FHOD3: variants seen among roughly 807,000 people sequenced by gnomAD.
FHOD3 encodes FH1/FH2 domain-containing protein 3.
Under a neutral mutation model 173.0 loss-of-function variants are expected in FHOD3, and 90 were observed. That is an observed-to-expected ratio of 0.52 (90% CI 0.44 to 0.62). FHOD3 has a LOEUF of 0.62. Among genes scored for constraint, FHOD3 ranks in the 20% least tolerant of loss-of-function variants. The pLI is 0.00. For synonymous variants in FHOD3, 828 were observed against 823.0 expected (o/e 1.01, Z -0.10); for missense variants, 1,945 against 2,034.7 (o/e 0.96, Z 0.85).
In FHOD3 at chr18:36,355,706, G is replaced by A. The variant is rs977948186; in HGVS notation, c.272+61G>A. The A allele has an allele frequency of 5.1e-6, 7 of 1,378,786 alleles. No homozygotes were observed. The African/African-American group carries it at 7.1e-5, about 14-fold the overall frequency. The allele number at this position is 1,378,786 out of a possible 1,614,324, so 85.4% of individuals were successfully genotyped here. ...ACCTACCAGGAAATGGGGGTACATT[G>A]AGGCCTTAAAGTATTTAGGAGGAAC... On this transcript the variant is annotated intron_variant, in intron 2 of 28. Transcript: ENST00000590592.
chr18:36,586,358 T>A (rs1375882731), intron 6 of FHOD3, among the ~76,000 whole-genome samples: 1 of 152,224 alleles, frequency 6.6e-6, no homozygotes, highest in Non-Finnish European at 1.5e-5. Flanking sequence ...ACTGGAAAAG[T>A]ACCCAATCTT....
intron 1 of FHOD3, among the ~76,000 whole-genome samples, chr18:36,316,722 T>A (rs1275374128): frequency 6.6e-6 from 1 of 152,094 alleles, no homozygotes; most frequent in Non-Finnish European, 1.5e-5. Flanking sequence ...GGGCTTCATT[T>A]TTTTTTTCTT....
chr18:36,572,064 T>G (rs1361979897), intron 5 of FHOD3, among the ~76,000 whole-genome samples: 1 of 152,182 alleles, frequency 6.6e-6, no homozygotes, highest in African/African-American at 2.4e-5. Context: ...TCTAACTCAT[T>G]CCTCACCACA....
chr18:36,733,835 A>G (rs868823189), intron 20 of FHOD3, among the ~76,000 whole-genome samples: 4 of 152,102 alleles, frequency 2.6e-5, no homozygotes, highest in East Asian at 3.9e-4. Context: ...ATGCTCCCCA[A>G]CGTGAAGAAG....
At chr18:36,504,524 T>C (rs1252125261) in intron 4 of FHOD3, among the ~76,000 whole-genome samples, 1 of 143,288 alleles carries the variant, frequency 7.0e-6, no homozygotes, top group Non-Finnish European at 1.5e-5. Context: ...TTCTCACTCA[T>C]AGATGGGAAT....
intron 3 of FHOD3, among the ~76,000 whole-genome samples, chr18:36,500,270 G>T (rs2054962123): frequency 6.6e-6 from 1 of 152,242 alleles, no homozygotes; most frequent in Non-Finnish European, 1.5e-5. Context: ...GACCTTTGAA[G>T]AAATGACTGC....
intron 28 of FHOD3, among the ~76,000 whole-genome samples, chr18:36,775,089 G>A (rs1039003517): frequency 7.2e-5 from 11 of 152,234 alleles, no homozygotes; most frequent in East Asian, 3.9e-4. Flanking sequence ...GGCCAAGCCC[G>A]GGACCTCCCA....
chr18:36,464,289 A>C (rs976642773), intron 3 of FHOD3, among the ~76,000 whole-genome samples: 4 of 152,380 alleles, frequency 2.6e-5, no homozygotes, highest in South Asian at 4.1e-4. Context: ...AGTTAGAGCA[A>C]TAAACATTCC....
chr18:36,779,663 G>A lies in FHOD3; in HGVS notation c.*133G>A, dbSNP rs573720417. 89 of 752,370 alleles carry A rather than the reference G, an allele frequency of 1.2e-4. 1 individual carries two copies. Among genetic ancestry groups the A allele is most frequent in the East Asian group, 2.7e-4 (10 of 37,220 alleles). 46.6% of individuals were successfully genotyped at this position (752,370 alleles called of 1,614,324 possible). ...GAAAAGGGAGAGCTCAATTCCCAGCGTCACCCCATGGCTTGTGTTGCCTGC... is the reference window on the plus strand; with the variant it reads ...GAAAAGGGAGAGCTCAATTCCCAGCATCACCCCATGGCTTGTGTTGCCTGC... On this transcript the variant is annotated 3_prime_UTR_variant, in exon 29 of 29. Transcript: ENST00000590592.
intron 14 of FHOD3, 144 bp from the exon 15 acceptor site, chr18:36,681,292 A>G: frequency 1.1e-6 from 1 of 910,388 alleles, no homozygotes; most frequent in Non-Finnish European, 1.6e-6. Context: ...TGAAACAAGA[A>G]GACCCGAGGC....
rs186270115 is a variant in FHOD3, at chr18:36,421,961, G to A, written c.337+49217G>A. Among the ~76,000 whole-genome samples, 23 of 152,318 alleles carry A rather than the reference G, an allele frequency of 1.5e-4. 1 individual carries two copies. The highest frequency in any genetic ancestry group is 5.9e-4 in the Admixed American group (9 of 15,300). ...GGAGTGGCAATGATGTTTCAACAAT[G>A]TATACAAACCTTATTCTAATTTTAA... On this transcript the variant is annotated intron_variant, in intron 3 of 28. Transcript: ENST00000590592.
intron 10 of FHOD3, among the ~76,000 whole-genome samples, chr18:36,636,148 C>T (rs1223516226): frequency 2.6e-5 from 4 of 152,288 alleles, no homozygotes; most frequent in South Asian, 2.1e-4. Flanking sequence ...TAAGATGCAC[C>T]TTCTCCTCTG....
intron 3 of FHOD3, among the ~76,000 whole-genome samples, chr18:36,468,462 G>T: frequency 6.6e-6 from 1 of 152,134 alleles, no homozygotes; most frequent in East Asian, 1.9e-4. Context: ...CACAGCTGGG[G>T]CTCTGGAGAC....
chr18:36,472,494 C>A (rs1013411575), intron 3 of FHOD3, among the ~76,000 whole-genome samples: 1 of 152,130 alleles, frequency 6.6e-6, no homozygotes, highest in Non-Finnish European at 1.5e-5. Flanking sequence ...GCAGCCATTG[C>A]CAGTATCTAA....
At chr18:36,631,539 C>G (rs372257815) in intron 10 of FHOD3, among the ~76,000 whole-genome samples, 1 of 152,188 alleles carries the variant, frequency 6.6e-6, no homozygotes, top group Non-Finnish European at 1.5e-5. Flanking sequence ...CTAGCCTTTA[C>G]GGAACACTTA....
At chr18:36,721,145 A>G (rs2040765579) in intron 19 of FHOD3, among the ~76,000 whole-genome samples, 2 of 152,192 alleles carry the variant, frequency 1.3e-5, no homozygotes, top group South Asian at 4.1e-4. Context: ...TAGCTAATAG[A>G]CAAATGTTTG....
At chr18:36,664,434 G>A (rs1229142244) in intron 14 of FHOD3, among the ~76,000 whole-genome samples, 2 of 152,120 alleles carry the variant, frequency 1.3e-5, no homozygotes, top group African/African-American at 2.4e-5. Context: ...TCCCTGTAAG[G>A]CTAAATGTGG....
chr18:36,388,753 A>G (rs1287705402), intron 3 of FHOD3, among the ~76,000 whole-genome samples: 1 of 152,226 alleles, frequency 6.6e-6, no homozygotes, highest in East Asian at 1.9e-4. Context: ...ACAAGCAAAA[A>G]ACAAAACAGA....
At chr18:36,515,737 A>G (rs1325705667) in intron 5 of FHOD3, among the ~76,000 whole-genome samples, 1 of 152,114 alleles carries the variant, frequency 6.6e-6, no homozygotes, top group Non-Finnish European at 1.5e-5. Context: ...CTATATTTCC[A>G]TTGCCACCAC....
Sources: gnomAD v4.1 joint callset for allele counts (sites outside exome capture counted in the v4.1 genomes callset) on GRCh38, gnomAD v4.1.1 for gene constraint, MANE v1.5 for transcripts, NCBI Gene and HGNC (gene_info 2026-07-23, HGNC 2026-07-21) for gene names.